The following TBC1D9 variants were observed in gnomAD, a reference collection of about 807,000 sequenced individuals.
The protein encoded by TBC1D9 is TBC1 domain family member 9A.
A neutral mutation model predicts 132.0 loss-of-function variants in TBC1D9; 63 were observed. That is an observed-to-expected ratio of 0.48 (90% CI 0.39 to 0.59). The LOEUF is 0.59. TBC1D9 is among the 20% of genes least tolerant of loss of function. TBC1D9 has a pLI of 0.00. For missense variants in TBC1D9, 1,261 were observed against 1,592.7 expected (o/e 0.79, Z 3.54); for synonymous variants, 610 against 609.9 (o/e 1.00, Z 0.00).
At position 140,672,468 on chromosome 4, in the gene TBC1D9, T is replaced by G. The variant is rs144409565; in HGVS notation, c.1060-1542A>C. 4.3e-3 allele frequency among the ~76,000 whole-genome samples: 660 copies of G among 152,264 alleles called. 3 individuals are homozygous for G. Among genetic ancestry groups the G allele is most frequent in the African/African-American group, 0.015 (622 of 41,534 alleles). ...AAGCCCCTTTTCTCACATAAAATTT[T>G]TACTGGCTCTTTTGGTCATGAGGTG... is the stretch of plus-strand genomic sequence containing the variant. On this transcript the variant is annotated intron_variant, in intron 6 of 20. Coordinates refer to ENST00000442267, the MANE Select transcript of TBC1D9 (RefSeq NM_015130.3).
intron 13 of TBC1D9, among the ~76,000 whole-genome samples, chr4:140,647,136 T>C (rs1007556643): frequency 2.0e-5 from 3 of 152,220 alleles, no homozygotes; most frequent in Non-Finnish European, 4.4e-5. Flanking sequence ...ACACTAGCTG[T>C]GAGACAGAAG....
intron 1 of TBC1D9, chr4:140,715,751 A>C (rs1422003734): frequency 6.6e-6 from 1 of 152,182 alleles, no homozygotes; most frequent in African/African-American, 2.4e-5. Flanking sequence ...GAACCTCATC[A>C]CTTTGAGGGC....
intron 13 of TBC1D9, chr4:140,643,063 T>A (rs766799799): frequency 7.8e-7 from 1 of 1,279,570 alleles, no homozygotes; most frequent in Non-Finnish European, 1.1e-6. Context: ...TTCTTGCGCA[T>A]CCAGCTGTAC....
At chr4:140,755,280 G>T (rs748305504) in intron 1 of TBC1D9, among the ~76,000 whole-genome samples, 2 of 152,184 alleles carry the variant, frequency 1.3e-5, no homozygotes, top group African/African-American at 2.4e-5. Context: ...AAGGGAGGGG[G>T]TTTAGGGAAG....
chr4:140,707,466 T>G (rs2111044657), intron 1 of TBC1D9, among the ~76,000 whole-genome samples: 1 of 152,334 alleles, frequency 6.6e-6, no homozygotes, highest in Non-Finnish European at 1.5e-5. Context: ...GGCTCAGTAC[T>G]TCCTCTCCAG....
intron 9 of TBC1D9, among the ~76,000 whole-genome samples, chr4:140,665,516 C>A (rs1445003013): frequency 1.3e-5 from 2 of 151,968 alleles, no homozygotes; most frequent in Non-Finnish European, 1.5e-5. Context: ...CAGGAGAATG[C>A]AAATCAAAAT....
intron 13 of TBC1D9, chr4:140,641,849 T>A (rs1003841587): frequency 6.1e-6 from 2 of 325,410 alleles, no homozygotes; most frequent in Non-Finnish European, 5.8e-6. Context: ...CGCACGGGCC[T>A]CCTCACCCCC....
chr4:140,738,952 G>A lies in TBC1D9; in HGVS notation c.130+16964C>T, dbSNP rs144781870. ...TGACATCAAAACATGGGAGAAGGGA[G>A]AAGGTACAGCCTCACTCTACTAGCT... On this transcript the variant is annotated intron_variant, in intron 1 of 20. Coordinates refer to ENST00000442267, the MANE Select transcript of TBC1D9 (RefSeq NM_015130.3). Among the ~76,000 whole-genome samples the A allele has an allele frequency of 2.4e-4, 37 of 152,304 alleles. 1 individual carries two copies. In the East Asian group the frequency reaches 6.9e-3, roughly 29 times the overall value.
chr4:140,624,130 G>A lies in TBC1D9; in HGVS notation c.3064C>T (p.Pro1022Ser). The change falls in exon 20 of 21, where the codon CCC becomes TCC. Residue 1022 changes from proline to serine, a missense_variant. Pro to Ser is a moderately conservative substitution (Grantham distance 74). Around this residue, in one of 3 missense-constraint regions of TBC1D9, gnomAD observed 618 missense variants for 724.4 expected, o/e 0.85. Transcript: ENST00000442267. ...TAAGCACTTACCTGATTTAATTTGG[G>A]TAAATCCTTTGCATTCTTTGACTTA... ...KSKSKNAKDLPKLNQGQFIEL... is the reference protein window; with the variant it reads ...KSKSKNAKDLSKLNQGQFIEL... 6.2e-7 allele frequency: 1 copy of A among 1,607,192 alleles called. No homozygotes were observed. Among genetic ancestry groups the A allele is most frequent in the South Asian group, 1.1e-5 (1 of 89,780 alleles).
intron 3 of TBC1D9, among the ~76,000 whole-genome samples, chr4:140,681,688 C>A (rs971422005): frequency 1.3e-5 from 2 of 152,204 alleles, no homozygotes; most frequent in Non-Finnish European, 1.5e-5. Context: ...ATTTACTTCA[C>A]ATGGCCACTT....
chr4:140,640,292 G>A (rs1291842863), intron 13 of TBC1D9, among the ~76,000 whole-genome samples: 5 of 151,872 alleles, frequency 3.3e-5, no homozygotes, highest in Non-Finnish European at 5.9e-5. Flanking sequence ...AAGGGGAAAG[G>A]GAAAAAAAGA....
chr4:140,659,540 T>C (rs757974260), intron 11 of TBC1D9, 48 bp downstream of exon 11: 1 of 1,365,372 alleles, frequency 7.3e-7, no homozygotes, highest in Non-Finnish European at 1.0e-6. Context: ...TCTAAAAGCA[T>C]CTTCTTGACG....
At chr4:140,721,059 G>C (rs189671735) in intron 1 of TBC1D9, among the ~76,000 whole-genome samples, 1 of 152,282 alleles carries the variant, frequency 6.6e-6, no homozygotes, top group African/African-American at 2.4e-5. Context: ...GCACCTAACT[G>C]GCCGCAGATA....
chr4:140,641,932 G>A, intron 13 of TBC1D9: 1 of 477,306 alleles, frequency 2.1e-6, no homozygotes, highest in South Asian at 2.3e-5. Context: ...AACACAGAAA[G>A]TATTTTGTGT....
In TBC1D9 at chr4:140,657,184, G is replaced by A. The variant is rs761567909; in HGVS notation, c.2250C>T (p.Pro750=). ...TGAGCAAGGAGTGGAGGTGAGGAATGGGAGGCAGTGTGCTGTCTTTATTGG... is the reference window on the plus strand; with the variant it reads ...TGAGCAAGGAGTGGAGGTGAGGAATAGGAGGCAGTGTGCTGTCTTTATTGG... The part of the protein sequence containing the change: ...SVTNKDSTLP[P]IPHLHSLLSD... The change falls in exon 13 of 21, where the codon CCC becomes CCT. Residue 750 remains proline (P), a synonymous_variant. Transcript: ENST00000442267. 1.2e-6 allele frequency: 2 copies of A among 1,613,902 alleles called. No homozygotes were observed. The highest frequency in any genetic ancestry group is 2.2e-5 in the South Asian group (2 of 91,078).
intron 1 of TBC1D9, among the ~76,000 whole-genome samples, chr4:140,701,899 C>A (rs1448963076): frequency 1.3e-5 from 2 of 152,172 alleles, no homozygotes; most frequent in African/African-American, 2.4e-5. Context: ...AAAATTAGTA[C>A]AATTCAGCTC....
chr4:140,656,370 A>C (rs1286455582), intron 13 of TBC1D9, among the ~76,000 whole-genome samples: 1 of 152,178 alleles, frequency 6.6e-6, no homozygotes, highest in Non-Finnish European at 1.5e-5. Context: ...AAATATATAA[A>C]TAAATAATCA....
At chr4:140,644,122 C>T (rs17006212) in intron 13 of TBC1D9, 34,028 of 376,956 alleles carry the variant, frequency 0.09, 2,285 homozygotes, top group African/African-American at 0.22. Flanking sequence ...TCGGCGGCCA[C>T]TGTGGGCTGC....
At chr4:140,641,922 AAC>A (rs1480905195) in intron 13 of TBC1D9, 1 of 441,980 alleles carries the variant, frequency 2.3e-6, no homozygotes, top group Non-Finnish European at 4.1e-6. Flanking sequence ...CTCGCTAGGA[AAC>A]ACAGAAAGTA....
Sources: allele counts gnomAD v4.1 joint callset (sites outside exome capture counted in the v4.1 genomes callset), GRCh38; gene constraint gnomAD v4.1.1; regional missense constraint gnomAD v4.1.1; transcripts MANE v1.5; gene names NCBI Gene and HGNC (gene_info 2026-07-23, HGNC 2026-07-21).